CYB5R3: variants seen among roughly 807,000 people sequenced by gnomAD.
The protein encoded by CYB5R3 is NADH-cytochrome b5 reductase 3.
A neutral mutation model predicts 36.5 loss-of-function variants in CYB5R3; 28 were observed. The ratio of observed to expected loss-of-function variants is 0.77; its 90% CI spans 0.57 to 1.05. The LOEUF (loss-of-function observed/expected upper bound fraction) is 1.05. Among genes scored for constraint, CYB5R3 ranks in the 50% least tolerant of loss-of-function variants. The probability of loss-of-function intolerance (pLI) is 0.00; values close to 1 mark genes in which losing one functional copy is unlikely to be tolerated. For synonymous variants in CYB5R3, 181 were observed against 159.8 expected (o/e 1.13, Z -1.00); for missense variants, 474 against 408.9 (o/e 1.16, Z -1.37).
chr22:42,631,185 T>G (rs1200491128), intron 3 of CYB5R3, 193 bp downstream of exon 3: 2 of 745,342 alleles, frequency 2.7e-6, no homozygotes, highest in Admixed American at 4.3e-5. Context: ...CTCCTGCTGG[T>G]GCCACTGCCA....
intron 1 of CYB5R3, among the ~76,000 whole-genome samples, chr22:42,637,908 G>C (rs1264234595): frequency 6.6e-6 from 1 of 152,132 alleles, no homozygotes; most frequent in East Asian, 1.9e-4. Context: ...GGCCCTGAGG[G>C]GCTGTTCCTC....
intron 8 of CYB5R3, among the ~76,000 whole-genome samples, chr22:42,623,104 G>A (rs1928070801): frequency 6.6e-6 from 1 of 152,216 alleles, no homozygotes; most frequent in African/African-American, 2.4e-5. Flanking sequence ...AACATCACCA[G>A]AATGTTTCCT....
Position 42,619,791 on chromosome 22 carries a change from C to A in CYB5R3, c.888G>T (p.Glu296Asp). The A allele has an allele frequency of 1.9e-6, 3 of 1,590,084 alleles. No homozygotes were observed. Among genetic ancestry groups the A allele is most frequent in the Non-Finnish European group, 2.6e-6 (3 of 1,171,020 alleles). The change falls in exon 9 of 9, where the codon GAG (glutamate) becomes GAT (aspartate). Residue 296 changes from glutamate (E) to aspartate (D), a missense_variant. Coordinates refer to ENST00000352397, the MANE Select transcript of CYB5R3 (RefSeq NM_000398.7). ...CCGGCCCTCAGAAGACGAAGCAGCG[C>A]TCCGTGGGGTGGCCCACGTGGTCCA... ...PNLDHVGHPT[E>D]RCFVF is the part of the protein sequence containing the mutation.
chr22:42,623,967 G>C (rs775395224), intron 7 of CYB5R3, 79 bp from the exon 8 acceptor site: 1 of 1,291,968 alleles, frequency 7.7e-7, no homozygotes, highest in East Asian at 2.3e-5. Context: ...GACGCGCCTC[G>C]TCATCGCGCC....
intron 8 of CYB5R3, among the ~76,000 whole-genome samples, chr22:42,621,830 C>A (rs1395182804): frequency 6.6e-6 from 1 of 152,262 alleles, no homozygotes; most frequent in Non-Finnish European, 1.5e-5. Context: ...TGCCTCGCAG[C>A]AAGCTGGCCC....
At chr22:42,634,173 G>A (rs1051387469) in intron 2 of CYB5R3, among the ~76,000 whole-genome samples, 68 of 149,490 alleles carry the variant, frequency 4.5e-4, no homozygotes, top group African/African-American at 1.6e-3. Context: ...CCAACATGTT[G>A]AAACCCTGAC....
chr22:42,634,652 G>A (rs535533701), intron 2 of CYB5R3, among the ~76,000 whole-genome samples: 76 of 138,166 alleles, frequency 5.5e-4, no homozygotes, highest in Non-Finnish European at 1.0e-3. Flanking sequence ...TTGAGACAGC[G>A]TCTTGCTCTG....
At chr22:42,647,507 G>A (rs940653774) in intron 1 of CYB5R3, among the ~76,000 whole-genome samples, 2 of 150,876 alleles carry the variant, frequency 1.3e-5, no homozygotes, top group Non-Finnish European at 3.0e-5. Flanking sequence ...CAGCACTTTG[G>A]GAGGCTGAGG....
At chr22:42,631,212 C>A in intron 3 of CYB5R3, 166 bp downstream of exon 3, 1 of 786,484 alleles carries the variant, frequency 1.3e-6, no homozygotes, top group Non-Finnish European at 2.1e-6. Flanking sequence ...CTGGGCCTTC[C>A]CACTCTCATT....
intron 1 of CYB5R3, among the ~76,000 whole-genome samples, chr22:42,638,707 G>C (rs1280128687): frequency 1.7e-5 from 2 of 116,018 alleles, no homozygotes; most frequent in East Asian, 5.3e-4. Context: ...ACTCCAGCCT[G>C]GGAGACAGAG....
intron 1 of CYB5R3, chr22:42,646,899 A>T: frequency 1.0e-6 from 1 of 985,512 alleles, no homozygotes; most frequent in Non-Finnish European, 1.2e-6. Context: ...TCAGCCTGTC[A>T]GGGTCGCTGA....
At position 42,618,014 on chromosome 22, in the gene CYB5R3, A is replaced by T. The variant is rs1237744256; in HGVS notation, c.*1759T>A. 1 of 152,112 alleles carries T rather than the reference A, an allele frequency of 6.6e-6. No homozygotes were observed. Among genetic ancestry groups the T allele is most frequent in the Non-Finnish European group, 1.5e-5 (1 of 68,130 alleles). 9.4% of individuals were successfully genotyped at this position (152,112 alleles called of 1,614,324 possible). On this transcript the variant is annotated 3_prime_UTR_variant, in exon 9 of 9. Transcript: ENST00000352397. ...TGCCCCGTTTTAAGAACAGCCCCAC[A>T]CCCACCTTGCCTCATCACCTCTGTA...
At chr22:42,642,358 CCAGCCT>C (rs1929323597) in intron 1 of CYB5R3, among the ~76,000 whole-genome samples, 1 of 152,180 alleles carries the variant, frequency 6.6e-6, no homozygotes, top group African/African-American at 2.4e-5. Context: ...AAGCCAACAG[CCAGCCT>C]CAGCCTTCCA....
chr22:42,625,642 G>C (rs1601931539), intron 7 of CYB5R3, among the ~76,000 whole-genome samples: 2 of 152,102 alleles, frequency 1.3e-5, no homozygotes, highest in Admixed American at 1.3e-4. Context: ...GGAACCTTGG[G>C]GGGCTGCTAC....
At chr22:42,630,708 A>G (rs1928562804) in intron 4 of CYB5R3, among the ~76,000 whole-genome samples, 174 bp downstream of exon 4, 1 of 152,102 alleles carries the variant, frequency 6.6e-6, no homozygotes, top group Admixed American at 6.5e-5. Context: ...TGGACTCGAG[A>G]GGGGCTCTAG....
At chr22:42,622,536 C>A (rs1217680549) in intron 8 of CYB5R3, among the ~76,000 whole-genome samples, 3 of 152,150 alleles carry the variant, frequency 2.0e-5, no homozygotes, top group African/African-American at 7.2e-5. Context: ...CATCCACCAC[C>A]CCCTCCAGGC....
At position 42,627,468 on chromosome 22, in the gene CYB5R3, G is replaced by C; in HGVS notation, c.548-79C>G. The C allele has an allele frequency of 5.3e-6, 8 of 1,515,864 alleles. No individual in the cohort carries two copies. The South Asian group carries it at 7.9e-5, about 15-fold the overall frequency. 93.9% of individuals were successfully genotyped at this position (1,515,864 alleles called of 1,614,324 possible). ...CACCGCCCCGCCCAGGTGTACTGGG[G>C]TGGAGGGGCCAGGACCACTGGGCCT... On this transcript the variant is annotated intron_variant, in intron 6 of 8. Transcript: ENST00000352397.
At chr22:42,649,219 G>A (rs1929658256) in intron 1 of CYB5R3, 76 bp downstream of exon 1, 1 of 678,096 alleles carries the variant, frequency 1.5e-6, no homozygotes, top group Non-Finnish European at 1.9e-6. Context: ...ACCTCCCGCA[G>A]GCCAGCCCGC....
chr22:42,639,314 ACT>A (rs1168180675), intron 1 of CYB5R3, among the ~76,000 whole-genome samples: 10 of 133,780 alleles, frequency 7.5e-5, no homozygotes, highest in African/African-American at 2.6e-4. Context: ...ACAGAGCGAG[ACT>A]CTGTCTCAAA....
Sources: allele counts gnomAD v4.1 joint callset (sites outside exome capture counted in the v4.1 genomes callset), GRCh38; gene constraint gnomAD v4.1.1; transcripts MANE v1.5; gene names NCBI Gene and HGNC (gene_info 2026-07-23, HGNC 2026-07-21).